DHX15: variants seen among roughly 807,000 people sequenced by gnomAD.
DHX15 encodes ATP-dependent RNA helicase DHX15.
A neutral mutation model predicts 94.4 loss-of-function variants in DHX15; 11 were observed. The observed-to-expected ratio is 0.12, with a 90% CI of 0.07 to 0.19. The LOEUF (loss-of-function observed/expected upper bound fraction) is 0.19. Among genes scored for constraint, DHX15 ranks in the 10% least tolerant of loss-of-function variants. The pLI is 1.00. For missense variants in DHX15, 304 were observed against 988.5 expected (o/e 0.31, Z 9.29); for synonymous variants, 338 against 329.9 (o/e 1.02, Z -0.27).
chr4:24,567,989 C>T (rs1222073771), intron 3 of DHX15, among the ~76,000 whole-genome samples: 3 of 152,120 alleles, frequency 2.0e-5, no homozygotes, highest in African/African-American at 7.2e-5. Context: ...TCCAATCTTC[C>T]GAAAAGAGCA....
intron 3 of DHX15, among the ~76,000 whole-genome samples, chr4:24,567,514 C>T (rs7659859): frequency 0.054 from 8,087 of 150,900 alleles, 331 homozygotes; most frequent in African/African-American, 0.11. Context: ...GAGGTGGAGG[C>T]TGCAGTGAGC....
chr4:24,576,981 CT>C (rs749379794), intron 1 of DHX15, among the ~76,000 whole-genome samples: 129 of 152,234 alleles, frequency 8.5e-4, no homozygotes, highest in Admixed American at 3.9e-3. Flanking sequence ...AAATCAGATA[CT>C]GAGGGTAGGA....
intron 3 of DHX15, among the ~76,000 whole-genome samples, chr4:24,562,126 T>C (rs1423197841): frequency 1.1e-5 from 1 of 88,458 alleles, no homozygotes; most frequent in Non-Finnish European, 2.2e-5. Context: ...AGTGAGACAC[T>C]GTCTCAAAAA....
In DHX15 at chr4:24,528,119, T is replaced by A. The variant is rs9993245; in HGVS notation, c.2271-78A>T. On this transcript the variant is annotated intron_variant, in intron 13 of 13. Coordinates refer to ENST00000336812, the MANE Select transcript of DHX15 (RefSeq NM_001358.3). ...GGAGTTGTTAATAGGATAGGCATTA[T>A]TCATTAATATACTGATGAACCAAGG... is the stretch of plus-strand genomic sequence containing the variant. 0.012 allele frequency: 10,962 copies of A among 932,414 alleles called. 503 individuals are homozygous for A. In the African/African-American group the frequency reaches 0.12, roughly 10 times the overall value. The allele number at this position is 932,414 out of a possible 1,614,324, so 57.8% of individuals were successfully genotyped here.
chr4:24,527,634 T>A lies in DHX15; in HGVS notation c.*290A>T, dbSNP rs1239417585. ...GTCGATAATCACATTTTAGAAGCAT[T>A]TTCAACCATTTCTAAAGAAATGCTT... On this transcript the variant is annotated 3_prime_UTR_variant, in exon 14 of 14. Coordinates refer to ENST00000336812, the MANE Select transcript of DHX15 (RefSeq NM_001358.3). The A allele has an allele frequency of 1.5e-5, 4 of 270,156 alleles. No individual in the cohort carries two copies. The highest frequency in any genetic ancestry group is 2.8e-5 in the Non-Finnish European group (4 of 142,666). 16.7% of individuals were successfully genotyped at this position (270,156 alleles called of 1,614,324 possible).
chr4:24,543,982 T>C (rs1368816719), intron 6 of DHX15, among the ~76,000 whole-genome samples: 1 of 152,144 alleles, frequency 6.6e-6, no homozygotes, highest in African/African-American at 2.4e-5. Flanking sequence ...AAAGACACAC[T>C]GTGAAATTTA....
At chr4:24,582,120 T>C (rs1722429846) in intron 1 of DHX15, among the ~76,000 whole-genome samples, 1 of 152,038 alleles carries the variant, frequency 6.6e-6, no homozygotes, top group Admixed American at 6.6e-5. Context: ...TGACTTAAAA[T>C]TATCGAGTAT....
chr4:24,573,052 A>C (rs1029836199), intron 2 of DHX15, among the ~76,000 whole-genome samples: 4 of 152,156 alleles, frequency 2.6e-5, no homozygotes, highest in Non-Finnish European at 5.9e-5. Flanking sequence ...CTGGGATTAC[A>C]GGTGTGCGCC....
At chr4:24,565,058 T>C (rs556803881) in intron 3 of DHX15, among the ~76,000 whole-genome samples, 77 of 152,342 alleles carry the variant, frequency 5.1e-4, no homozygotes, top group African/African-American at 1.8e-3. Flanking sequence ...TAAAAATATA[T>C]TGCCTATTCC....
rs116546882 is a variant in DHX15 at position 24,555,362 on chromosome 4, A to C, written c.862-419T>G. 5.7e-3 allele frequency among the ~76,000 whole-genome samples: 860 copies of C among 152,144 alleles called. 7 individuals are homozygous for C. Among genetic ancestry groups the C allele is most frequent in the African/African-American group, 0.02 (819 of 41,576 alleles). On this transcript the variant is annotated intron_variant, in intron 4 of 13. Transcript: ENST00000336812. ...AAAAGGTTCCTCCATAAAAAGTTTC[A>C]TAAGAGTTCTTAATTTCTACTTTCA...
chr4:24,539,498 C>G (rs1436843013), intron 10 of DHX15, among the ~76,000 whole-genome samples: 1 of 151,936 alleles, frequency 6.6e-6, no homozygotes, highest in African/African-American at 2.4e-5. Context: ...CTTAATGGTC[C>G]AATTTTACAA....
In DHX15 at chr4:24,527,854, A is replaced by G; in HGVS notation, c.*70T>C. The G allele has an allele frequency of 8.9e-7, 1 of 1,126,350 alleles. No individual in the cohort carries two copies. Among genetic ancestry groups the G allele is most frequent in the South Asian group, 1.3e-5 (1 of 77,774 alleles). 69.8% of individuals were successfully genotyped at this position (1,126,350 alleles called of 1,614,324 possible). On this transcript the variant is annotated 3_prime_UTR_variant, in exon 14 of 14. Transcript: ENST00000336812. ...ATTATCGAACCAACGTGAAGAGCAC[A>G]ACTCGAACTTTTGAGTTCATTCATC...
intron 12 of DHX15, 28 bp downstream of exon 12, chr4:24,532,836 G>A: frequency 2.0e-6 from 3 of 1,477,318 alleles, no homozygotes; most frequent in Non-Finnish European, 2.8e-6. Context: ...TGAATACTTA[G>A]TTATTCATTC....
chr4:24,528,102 T>A, intron 13 of DHX15, 61 bp from the exon 14 acceptor site: 1 of 1,143,552 alleles, frequency 8.7e-7, no homozygotes, highest in Non-Finnish European at 1.3e-6. Flanking sequence ...CTGGAGTTGT[T>A]AATAGGATAG....
At chr4:24,547,939 ATAT>A (rs1560765941) in intron 6 of DHX15, among the ~76,000 whole-genome samples, 406 of 27,136 alleles carry the variant, frequency 0.015, 8 homozygotes, top group African/African-American at 0.072. Flanking sequence ...ATATATATAT[ATAT>A]CTATATCTAT....
intron 3 of DHX15, among the ~76,000 whole-genome samples, chr4:24,559,453 A>G (rs866330802): frequency 5.3e-5 from 8 of 152,136 alleles, no homozygotes; most frequent in South Asian, 4.1e-4. Flanking sequence ...TTTGCTTAAC[A>G]ACAAAAAACT....
chr4:24,549,196 ACAATC>A (rs1336859187), intron 5 of DHX15, among the ~76,000 whole-genome samples, 174 bp from the exon 6 acceptor site: 2 of 152,240 alleles, frequency 1.3e-5, no homozygotes, highest in Non-Finnish European at 2.9e-5. Flanking sequence ...GATTTCCAAA[ACAATC>A]CAAGAAACTT....
chr4:24,541,954 T>C lies in DHX15; in HGVS notation c.1404A>G (p.Gln468=), dbSNP rs1344037119. ...TGGTACGTCCAGCTCGACCAGCCCTTTGCTGAGCTGAAGCTTTACTAATAG... is the reference window on the plus strand; with the variant it reads ...TGGTACGTCCAGCTCGACCAGCCCTCTGCTGAGCTGAAGCTTTACTAATAG... ...VTAISKASAQ[Q]RAGRAGRTRP... Residue 468 remains glutamine (Q), a synonymous_variant, in exon 8 of 14, where the codon CAA becomes CAG. Coordinates refer to ENST00000336812, the MANE Select transcript of DHX15 (RefSeq NM_001358.3). The C allele has an allele frequency of 6.2e-7, 1 of 1,612,930 alleles. No individual in the cohort carries two copies. The highest frequency in any genetic ancestry group is 8.5e-7 in the Non-Finnish European group (1 of 1,179,176).
At chr4:24,536,958 T>G in intron 11 of DHX15, 93 bp downstream of exon 11, 5 of 1,393,630 alleles carry the variant, frequency 3.6e-6, no homozygotes, top group Non-Finnish European at 4.8e-6. Context: ...ATATAAGTTG[T>G]CACGGATAAT....
Sources: gnomAD v4.1 joint callset for allele counts (sites outside exome capture counted in the v4.1 genomes callset) on GRCh38, gnomAD v4.1.1 for gene constraint, MANE v1.5 for transcripts, NCBI Gene and HGNC (gene_info 2026-07-23, HGNC 2026-07-21) for gene names.